Variants in OR5K1 observed in about 807,000 individuals in gnomAD.
OR5K1 encodes the protein olfactory receptor 5K1.
Under a neutral mutation model 10.4 loss-of-function variants are expected in OR5K1, and 7 were observed. The ratio of observed to expected loss-of-function variants is 0.67; its 90% CI spans 0.38 to 1.26. The LOEUF (loss-of-function observed/expected upper bound fraction) is 1.26, where lower values mean the gene tolerates loss of function less well. Among genes scored for constraint, OR5K1 ranks in the 50% most tolerant of loss-of-function variants. The pLI is 0.02. For synonymous variants in OR5K1, 135 were observed against 128.5 expected (o/e 1.05, Z -0.34); for missense variants, 435 against 366.2 (o/e 1.19, Z -1.53).
rs1705333952 is a variant in OR5K1, at chr3:98,463,260, T to C, written c.-59T>C. 1 of 152,210 alleles carries C rather than the reference T, an allele frequency of 6.6e-6. No individual in the cohort carries two copies. The highest frequency in any genetic ancestry group is 1.5e-5 in the Non-Finnish European group (1 of 68,038). The allele number at this position is 152,210 out of a possible 1,614,324, so 9.4% of individuals were successfully genotyped here. A position where few individuals can be genotyped will look rare whatever the true frequency, so the allele number is the denominator to read the frequency against. ...GTGAGATCTACTTTAAAAACTGTTA[T>C]CAGGCAACCTACTGGCCCCTTTAAA... On this transcript the variant is annotated 5_prime_UTR_variant, in exon 1 of 2. Transcript: ENST00000642057.
rs746631306 is a variant in OR5K1 at position 98,469,648 on chromosome 3, G to A, written c.72G>A (p.Lys24=). The change falls in exon 2 of 2, where the codon AAG becomes AAA. Residue 24 remains lysine (K), a synonymous_variant. Transcript: ENST00000642057. ...LTGFTDHPEL[K]TLLFVVFFAI... ...GATTTACAGATCACCCTGAGCTGAA[G>A]ACTCTGCTGTTTGTGGTGTTCTTTG... 3.1e-6 allele frequency: 5 copies of A among 1,613,476 alleles called. No individual in the cohort carries two copies. Among genetic ancestry groups the A allele is most frequent in the East Asian group, 2.2e-5 (1 of 44,878 alleles).
rs371430805 is a variant in OR5K1 at position 98,466,725 on chromosome 3, C to T, written c.-11-2841C>T. 5.3e-3 allele frequency among the ~76,000 whole-genome samples: 666 copies of T among 126,388 alleles called. 10 individuals carry two copies. Among genetic ancestry groups the T allele is most frequent in the African/African-American group, 0.019 (537 of 27,668 alleles). The allele number at this position is 126,388 out of a possible 152,430, so 82.9% of individuals were successfully genotyped here. ...TTGAGAAGTGTCTGTTCATGTCCTTCGCCCACTTTTTGATGGGGTTGTTTG... is the reference window on the plus strand; with the variant it reads ...TTGAGAAGTGTCTGTTCATGTCCTTTGCCCACTTTTTGATGGGGTTGTTTG... On this transcript the variant is annotated intron_variant, in intron 1 of 1. Coordinates refer to ENST00000642057, the MANE Select transcript of OR5K1 (RefSeq NM_001004736.4).
intron 1 of OR5K1, among the ~76,000 whole-genome samples, chr3:98,467,258 T>C (rs62266483): frequency 4.1e-3 from 228 of 56,272 alleles, no homozygotes; most frequent in East Asian, 5.0e-3. Flanking sequence ...CATTGATCTA[T>C]ATCTCTGTTT....
At chr3:98,468,011 C>G (rs1311329764) in intron 1 of OR5K1, among the ~76,000 whole-genome samples, 1 of 152,050 alleles carries the variant, frequency 6.6e-6, no homozygotes, top group Non-Finnish European at 1.5e-5. Context: ...AGTTTTTAAC[C>G]TTTTTCTTGA....
chr3:98,464,122 G>A (rs1188207917), intron 1 of OR5K1, among the ~76,000 whole-genome samples: 1 of 151,968 alleles, frequency 6.6e-6, no homozygotes, highest in Non-Finnish European at 1.5e-5. Flanking sequence ...AGCCAAGCAG[G>A]TGGCGCATGC....
Position 98,470,468 on chromosome 3 carries a change from A to G in OR5K1, c.892A>G (p.Ile298Val), listed in dbSNP as rs1163848724. The change falls in exon 2 of 2, where the codon ATA becomes GTA. Residue 298 changes from isoleucine to valine, a missense_variant. Coordinates refer to ENST00000642057, the MANE Select transcript of OR5K1 (RefSeq NM_001004736.4). Reference protein sequence around the residue: ...FIYSLRNREVISVLRKILMKK With the variant: ...FIYSLRNREVVSVLRKILMKK Reference sequence around the variant, plus strand: ...TTATAGCCTGAGAAATAGGGAAGTAATAAGTGTCTTAAGAAAAATTCTGAT... The same window carrying G: ...TTATAGCCTGAGAAATAGGGAAGTAGTAAGTGTCTTAAGAAAAATTCTGAT... 6.3e-7 allele frequency: 1 copy of G among 1,578,518 alleles called. No homozygotes were observed. The highest frequency in any genetic ancestry group is 8.7e-7 in the Non-Finnish European group (1 of 1,152,482).
intron 1 of OR5K1, among the ~76,000 whole-genome samples, chr3:98,464,266 CT>C (rs576296522): frequency 4.8e-4 from 73 of 152,188 alleles, no homozygotes; most frequent in African/African-American, 1.5e-3. Flanking sequence ...AAAAAATAAA[CT>C]TTAAAAAAAT....
intron 1 of OR5K1, among the ~76,000 whole-genome samples, chr3:98,465,035 T>G (rs139022294): frequency 0.01 from 1,545 of 152,260 alleles, 28 homozygotes; most frequent in African/African-American, 0.035. Context: ...AATAAAAAAT[T>G]TCTATCCTGA....
chr3:98,469,749 C>A lies in OR5K1; in HGVS notation c.173C>A (p.Pro58Gln), dbSNP rs201883025. ...TTTACACACCGTCGGCTTCACACACCAATGTACATCTTTCTGGGAAATCTG... is the reference window on the plus strand; with the variant it reads ...TTTACACACCGTCGGCTTCACACACAAATGTACATCTTTCTGGGAAATCTG... Reference protein sequence around the residue: ...LIFTHRRLHTPMYIFLGNLAL... With the variant: ...LIFTHRRLHTQMYIFLGNLAL... The change falls in exon 2 of 2, where the codon CCA (proline) becomes CAA (glutamine). Residue 58 changes from proline to glutamine, a missense_variant. Pro to Gln is a moderately conservative substitution (Grantham distance 76, BLOSUM62 -1). Coordinates refer to ENST00000642057, the MANE Select transcript of OR5K1 (RefSeq NM_001004736.4). The A allele has an allele frequency of 1.4e-5, 22 of 1,613,806 alleles. No homozygotes were observed. The highest frequency in any genetic ancestry group is 1.7e-4 in the Middle Eastern group (1 of 6,060).
At chr3:98,464,501 A>G (rs1290944586) in intron 1 of OR5K1, among the ~76,000 whole-genome samples, 1 of 152,196 alleles carries the variant, frequency 6.6e-6, no homozygotes, top group Non-Finnish European at 1.5e-5. Flanking sequence ...TAAAGCAGGC[A>G]TCCAATGACT....
intron 1 of OR5K1, among the ~76,000 whole-genome samples, chr3:98,465,504 C>T (rs1705361027): frequency 6.6e-6 from 1 of 151,968 alleles, no homozygotes; most frequent in South Asian, 2.1e-4. Context: ...TTATTATTGG[C>T]CAAAGGATGT....
At chr3:98,469,330 A>G (rs1261991188) in intron 1 of OR5K1, 3 of 532,646 alleles carry the variant, frequency 5.6e-6, no homozygotes, top group African/African-American at 1.9e-5. Context: ...ACTATTAGGT[A>G]CTATTAAAAT....
rs1006503336 is a variant in OR5K1, at chr3:98,470,502, A to C, written c.926A>C (p.Ter309SerextTer14). 2.0e-6 allele frequency: 3 copies of C among 1,515,788 alleles called. No homozygotes were observed. The highest frequency in any genetic ancestry group is 1.4e-5 in the African/African-American group (1 of 71,918). The allele number at this position is 1,515,788 out of a possible 1,614,324, so 93.9% of individuals were successfully genotyped here. A position where few individuals can be genotyped will look rare whatever the true frequency, so the allele number is the denominator to read the frequency against. The change falls in exon 2 of 2, where the codon TAA (stop) becomes TCA (serine). Residue 309 changes from the stop codon to serine, a stop_lost. Coordinates refer to ENST00000642057, the MANE Select transcript of OR5K1 (RefSeq NM_001004736.4). ...TTAAGAAAAATTCTGATGAAGAAAT[A>C]ATCTCAAGAAAGATGGAAACAAGTG... is the stretch of plus-strand genomic sequence containing the variant. ...SVLRKILMKK[*>S]
chr3:98,468,794 C>T lies in OR5K1; in HGVS notation c.-11-772C>T, dbSNP rs1012217213. Among the ~76,000 whole-genome samples, 5 of 152,144 alleles carry T rather than the reference C, an allele frequency of 3.3e-5. No individual in the cohort carries two copies. In the Middle Eastern group the frequency reaches 0.01, roughly 310 times the overall value. On this transcript the variant is annotated intron_variant, in intron 1 of 1. Coordinates refer to ENST00000642057, the MANE Select transcript of OR5K1 (RefSeq NM_001004736.4). Reference sequence around the variant, plus strand: ...CTATTAACATTGGCATATAAAAATACTCTTTTAAACAACATTGTTAATCAG... The same window carrying T: ...CTATTAACATTGGCATATAAAAATATTCTTTTAAACAACATTGTTAATCAG...
In OR5K1 at chr3:98,470,165, C is replaced by A. The variant is rs766640099; in HGVS notation, c.589C>A (p.Leu197Met). 1.2e-6 allele frequency: 2 copies of A among 1,613,218 alleles called. No individual in the cohort carries two copies. The highest frequency in any genetic ancestry group is 2.2e-5 in the South Asian group (2 of 91,058). Residue 197 changes from leucine (L) to methionine (M), a missense_variant, in exon 2 of 2, where the codon CTG becomes ATG. Transcript: ENST00000642057. Reference protein sequence around the residue: ...LSCVDPYINELVLFIFSGSVQ... With the variant: ...LSCVDPYINEMVLFIFSGSVQ... The stretch of plus-strand genomic sequence containing the variant: ...TTGTGTTGATCCTTATATCAATGAA[C>A]TGGTTCTATTCATCTTCTCAGGTTC...
At position 98,469,937 on chromosome 3, in the gene OR5K1, G is replaced by A. The variant is rs760517124; in HGVS notation, c.361G>A (p.Asp121Asn). Reference sequence around the variant, plus strand: ...CTTTCTTCTGGCAGCAATGGCCTATGACCGCTATGTGGCCATATGCAACCC... The same window carrying A: ...CTTTCTTCTGGCAGCAATGGCCTATAACCGCTATGTGGCCATATGCAACCC... Reference protein sequence around the residue: ...DCFLLAAMAYDRYVAICNPLQ... With the variant: ...DCFLLAAMAYNRYVAICNPLQ... The change falls in exon 2 of 2, where the codon GAC (aspartate) becomes AAC (asparagine). Residue 121 changes from aspartate (D) to asparagine (N), a missense_variant. Coordinates refer to ENST00000642057, the MANE Select transcript of OR5K1 (RefSeq NM_001004736.4). The A allele has an allele frequency of 9.3e-6, 15 of 1,613,602 alleles. No individual in the cohort carries two copies. In the Admixed American group the frequency reaches 2.3e-4, roughly 25 times the overall value.
rs182064350 is a variant in OR5K1, at chr3:98,470,756, T to C, written c.*253T>C. ...AACTCATTCAAGTAACAATGTAGTA[T>C]GTTGTCAAGCTCTTGGTCTGTGTTG... On this transcript the variant is annotated 3_prime_UTR_variant, in exon 2 of 2. Transcript: ENST00000642057. 198 of 252,516 alleles carry C rather than the reference T, an allele frequency of 7.8e-4. No homozygotes were observed. Among genetic ancestry groups the C allele is most frequent in the African/African-American group, 4.2e-3 (186 of 43,796 alleles). 15.6% of individuals were successfully genotyped at this position (252,516 alleles called of 1,614,324 possible).
Position 98,470,363 on chromosome 3 carries a change from A to G in OR5K1, c.787A>G (p.Asn263Asp). 1 of 1,613,110 alleles carries G rather than the reference A, an allele frequency of 6.2e-7. No individual in the cohort carries two copies. The highest frequency in any genetic ancestry group is 8.5e-7 in the Non-Finnish European group (1 of 1,179,460). ...GSLFFMYVRP[N>D]LLEEGDKDIP... ...TCTTTTCTTCATGTACGTTAGACCA[A>G]ATTTGCTTGAAGAAGGGGATAAAGA... The change falls in exon 2 of 2, where the codon AAT becomes GAT. Residue 263 changes from asparagine to aspartate, a missense_variant. Asn to Asp is a conservative substitution (Grantham distance 23, BLOSUM62 1). Coordinates refer to ENST00000642057, the MANE Select transcript of OR5K1 (RefSeq NM_001004736.4).
At position 98,472,531 on chromosome 3, in the gene OR5K1, G is replaced by C. The variant is rs967261751; in HGVS notation, c.*2028G>C. 1.3e-5 allele frequency: 2 copies of C among 151,840 alleles called. No individual in the cohort carries two copies. Among genetic ancestry groups the C allele is most frequent in the Non-Finnish European group, 2.9e-5 (2 of 67,912 alleles). The allele number at this position is 151,840 out of a possible 1,614,324, so 9.4% of individuals were successfully genotyped here. A position where few individuals can be genotyped will look rare whatever the true frequency, so the allele number is the denominator to read the frequency against. On this transcript the variant is annotated 3_prime_UTR_variant, in exon 2 of 2. Coordinates refer to ENST00000642057, the MANE Select transcript of OR5K1 (RefSeq NM_001004736.4). ...CACGAACTCTTCCCTTCTTGATGTT[G>C]CTTTTTTTCCCAACTGACTGAATCC...
Sources: gnomAD v4.1 joint callset for allele counts (sites outside exome capture counted in the v4.1 genomes callset) on GRCh38, gnomAD v4.1.1 for gene constraint, MANE v1.5 for transcripts, NCBI Gene and HGNC (gene_info 2026-07-23, HGNC 2026-07-21) for gene names.